PCDHA7: variants seen among roughly 807,000 people sequenced by gnomAD.
PCDHA7 encodes the protein protocadherin alpha-7.
PCDHA7 carries 37 observed loss-of-function variants against 57.2 expected under a neutral mutation model. The ratio of observed to expected loss-of-function variants is 0.65; its 90% CI spans 0.50 to 0.85. The LOEUF (loss-of-function observed/expected upper bound fraction) is 0.85. Among genes scored for constraint, PCDHA7 ranks in the 40% least tolerant of loss-of-function variants. The probability of loss-of-function intolerance (pLI) is 0.00; values close to 1 mark genes in which losing one functional copy is unlikely to be tolerated. For synonymous variants in PCDHA7, 553 were observed against 558.8 expected (o/e 0.99, Z 0.15); for missense variants, 1,188 against 1,241.8 (o/e 0.96, Z 0.65).
chr5:140,966,022 T>G (rs2095958244), intron 1 of PCDHA7, among the ~76,000 whole-genome samples: 1 of 151,842 alleles, frequency 6.6e-6, no homozygotes, highest in South Asian at 2.1e-4. Flanking sequence ...GATGTGGGAG[T>G]CAGGTGAATA....
intron 1 of PCDHA7, chr5:140,871,435 G>T: frequency 6.2e-7 from 1 of 1,612,454 alleles, no homozygotes; most frequent in Non-Finnish European, 8.5e-7. Context: ...TCTTCCTCTA[G>T]GTCTGAATAA....
At position 140,869,840 on chromosome 5, in the gene PCDHA7, A is replaced by T. The variant is rs782569950; in HGVS notation, c.2355+33102A>T. 9 of 1,611,616 alleles carry T rather than the reference A, an allele frequency of 5.6e-6. No homozygotes were observed. The Admixed American group carries it at 1.5e-4, about 27-fold the overall frequency. On this transcript the variant is annotated intron_variant, in intron 1 of 3. Transcript: ENST00000525929. The stretch of plus-strand genomic sequence containing the variant: ...AATGATCCAGAGTTTGATAAATCAG[A>T]ATATAAGGTGAGCCTTATGGAAAAT...
chr5:140,848,388 TC>T, intron 1 of PCDHA7: 1 of 1,225,380 alleles, frequency 8.2e-7, no homozygotes, highest in Non-Finnish European at 1.2e-6. Context: ...TTTCACTCTC[TC>T]TGTGCTGAAC....
chr5:140,891,956 G>T (rs528674370), intron 1 of PCDHA7, among the ~76,000 whole-genome samples: 1 of 152,344 alleles, frequency 6.6e-6, no homozygotes, highest in South Asian at 2.1e-4. Flanking sequence ...CCAGAATTGT[G>T]AGAAGTAAAT....
rs546510910 is a variant in PCDHA7, at chr5:140,894,996, C to G, written c.2355+58258C>G. ...GTCTTACTTTGTGACATCCTTTACC[C>G]TTTTTACTTGGACCTTTTTCCTTTG... is the stretch of plus-strand genomic sequence containing the variant. On this transcript the variant is annotated intron_variant, in intron 1 of 3. Transcript: ENST00000525929. Among the ~76,000 whole-genome samples, 5 of 152,204 alleles carry G rather than the reference C, an allele frequency of 3.3e-5. No homozygotes were observed. The East Asian group carries it at 9.6e-4, about 29-fold the overall frequency.
At chr5:140,841,755 C>A (rs2150322270) in intron 1 of PCDHA7, 2 of 1,613,886 alleles carry the variant, frequency 1.2e-6, no homozygotes, top group South Asian at 2.2e-5. Context: ...GTTTCAGAAT[C>A]CAGAATGCCA....
intron 1 of PCDHA7, among the ~76,000 whole-genome samples, chr5:140,916,135 T>TG (rs1178819787): frequency 6.6e-6 from 1 of 152,126 alleles, no homozygotes; most frequent in Non-Finnish European, 1.5e-5. Flanking sequence ...GCTTAAGGGC[T>TG]GTTCAGTTGT....
intron 1 of PCDHA7, chr5:140,858,279 G>A: frequency 2.5e-6 from 4 of 1,597,396 alleles, no homozygotes; most frequent in South Asian, 1.1e-5. Flanking sequence ...AGCGCGGTGG[G>A]GAGCTGGTCT....
chr5:140,970,096 T>C (rs2096383552), intron 1 of PCDHA7, among the ~76,000 whole-genome samples: 1 of 152,066 alleles, frequency 6.6e-6, no homozygotes, highest in South Asian at 2.1e-4. Flanking sequence ...GGGGGGATGG[T>C]GAAGACCAAG....
chr5:140,889,086 A>G (rs1418981044), intron 1 of PCDHA7, among the ~76,000 whole-genome samples: 1 of 151,926 alleles, frequency 6.6e-6, no homozygotes, highest in Non-Finnish European at 1.5e-5. Flanking sequence ...TTAAATTTTC[A>G]AAACAATTTT....
At chr5:140,969,347 G>C (rs1554231707) in intron 1 of PCDHA7, 1 of 1,613,472 alleles carries the variant, frequency 6.2e-7, no homozygotes, top group South Asian at 1.1e-5. Context: ...ACAGTGGTCA[G>C]GGGGTCTTCT....
chr5:140,858,415 T>C lies in PCDHA7; in HGVS notation c.2355+21677T>C. Reference sequence around the variant, plus strand: ...ATGTGGACGGGGAAGATCAGTCTATTGGAGGGGACCACTCTAGGAAGGTGG... The same window carrying C: ...ATGTGGACGGGGAAGATCAGTCTATCGGAGGGGACCACTCTAGGAAGGTGG... On this transcript the variant is annotated intron_variant, in intron 1 of 3. Transcript: ENST00000525929. 1.9e-6 allele frequency: 3 copies of C among 1,561,830 alleles called. 1 individual carries two copies. The highest frequency in any genetic ancestry group is 2.6e-6 in the Non-Finnish European group (3 of 1,145,536).
At chr5:140,897,367 T>G (rs1554187348) in intron 1 of PCDHA7, among the ~76,000 whole-genome samples, 1 of 125,642 alleles carries the variant, frequency 8.0e-6, no homozygotes, top group South Asian at 2.5e-4. Flanking sequence ...CAGAGTGTGA[T>G]GTTCCCTTCC....
At chr5:140,919,176 C>A (rs2079027921) in intron 1 of PCDHA7, among the ~76,000 whole-genome samples, 2 of 152,184 alleles carry the variant, frequency 1.3e-5, no homozygotes, top group Non-Finnish European at 1.5e-5. Flanking sequence ...GTTGCTATAT[C>A]TTCCTGATTG....
At chr5:140,936,869 A>C (rs1249048598) in intron 1 of PCDHA7, among the ~76,000 whole-genome samples, 3 of 152,168 alleles carry the variant, frequency 2.0e-5, no homozygotes, top group Non-Finnish European at 4.4e-5. Context: ...TTCTATTTTA[A>C]AAAACCCTGC....
In PCDHA7 at chr5:140,835,572, T is replaced by C. The variant is rs782594410; in HGVS notation, c.1189T>C (p.Leu397=). 12 of 1,613,768 alleles carry C rather than the reference T, an allele frequency of 7.4e-6. No homozygotes were observed. Among genetic ancestry groups the C allele is most frequent in the South Asian group, 2.2e-5 (2 of 91,072 alleles). The part of the protein sequence containing the change: ...CSLTPRVPFK[L]VSTFKNYYSL... Reference sequence around the variant, plus strand: ...CCTGACGCCCCGCGTTCCCTTCAAGTTGGTGTCCACCTTCAAGAATTACTA... The same window carrying C: ...CCTGACGCCCCGCGTTCCCTTCAAGCTGGTGTCCACCTTCAAGAATTACTA... The change falls in exon 1 of 4, where the codon TTG becomes CTG. Residue 397 remains leucine (L), a synonymous_variant. Coordinates refer to ENST00000525929, the MANE Select transcript of PCDHA7 (RefSeq NM_018910.3).
intron 1 of PCDHA7, among the ~76,000 whole-genome samples, chr5:140,919,778 A>G (rs1252402940): frequency 2.6e-5 from 4 of 152,170 alleles, no homozygotes; most frequent in Non-Finnish European, 5.9e-5. Context: ...TGTTACACAT[A>G]TTACATCTTG....
intron 1 of PCDHA7, chr5:140,928,323 T>C: frequency 1.2e-6 from 2 of 1,614,178 alleles, no homozygotes; most frequent in Non-Finnish European, 1.7e-6. Context: ...TGGGGAAGAA[T>C]GGCCTTGTCT....
intron 1 of PCDHA7, among the ~76,000 whole-genome samples, chr5:140,914,725 T>C (rs1317424827): frequency 6.6e-6 from 1 of 152,164 alleles, no homozygotes; most frequent in African/African-American, 2.4e-5. Flanking sequence ...TTATTTTTTG[T>C]GTATCCATTG....
Sources: allele counts gnomAD v4.1 joint callset (sites outside exome capture counted in the v4.1 genomes callset), GRCh38; gene constraint gnomAD v4.1.1; transcripts MANE v1.5; gene names NCBI Gene and HGNC (gene_info 2026-07-23, HGNC 2026-07-21).